Variants in SLC7A1 observed in about 807,000 individuals in gnomAD.
SLC7A1 encodes high affinity cationic amino acid transporter 1.
In SLC7A1, 10 loss-of-function variants were observed where a neutral mutation model predicts 53.9. The ratio of observed to expected loss-of-function variants is 0.19; its 90% CI spans 0.11 to 0.31. SLC7A1 has a LOEUF of 0.31. Ranked by LOEUF, SLC7A1 falls within the 10% of genes least tolerant of loss-of-function variation. The probability of loss-of-function intolerance (pLI) is 1.00; values close to 1 mark genes in which losing one functional copy is unlikely to be tolerated. For synonymous variants in SLC7A1, 342 were observed against 338.7 expected, an observed-to-expected ratio of 1.01 and a Z score of -0.11; for missense variants, 525 against 827.2, an observed-to-expected ratio of 0.63 and a Z score of 4.48.
At position 29,513,420 on chromosome 13, in the gene SLC7A1, A is replaced by AT. The variant is rs892831457; in HGVS notation, c.*1059dup. 6.6e-6 allele frequency: 1 copy of AT among 152,652 alleles called. No homozygotes were observed. Among genetic ancestry groups the AT allele is most frequent in the Non-Finnish European group, 1.5e-5 (1 of 68,054 alleles). The allele number at this position is 152,652 out of a possible 1,614,324, so 9.5% of individuals were successfully genotyped here. A position where few individuals can be genotyped will look rare whatever the true frequency, so the allele number is the denominator to read the frequency against. Reference sequence around the variant, plus strand: ...TTTCATGGACTGTGGATTGATTTCAATTTCATCATGTCACAGAGAGGCCAG... The same window carrying AT: ...TTTCATGGACTGTGGATTGATTTCAATTTTCATCATGTCACAGAGAGGCCAG... On this transcript the variant is annotated 3_prime_UTR_variant, in exon 13 of 13. Transcript: ENST00000380752.
Position 29,517,562 on chromosome 13 carries a change from C to G in SLC7A1, c.1510+11G>C. ...CAACAAGCAAGGCCCCAGGGAAGGGCTAGCTCTTACCTATGAGGCTGGTTG... is the reference window on the plus strand; with the variant it reads ...CAACAAGCAAGGCCCCAGGGAAGGGGTAGCTCTTACCTATGAGGCTGGTTG... On this transcript the variant is annotated intron_variant, in intron 10 of 12. Transcript: ENST00000380752. 1.2e-6 allele frequency: 2 copies of G among 1,604,938 alleles called. No homozygotes were observed. The highest frequency in any genetic ancestry group is 2.2e-5 in the South Asian group (2 of 90,896).
intron 2 of SLC7A1, among the ~76,000 whole-genome samples, chr13:29,547,883 G>T (rs1247276673): frequency 6.6e-6 from 1 of 152,162 alleles, no homozygotes; most frequent in East Asian, 1.9e-4. Flanking sequence ...AAAAAACACC[G>T]AGGAAACTCC....
intron 2 of SLC7A1, among the ~76,000 whole-genome samples, chr13:29,551,399 AC>A (rs1870177935): frequency 6.6e-6 from 1 of 152,194 alleles, no homozygotes; most frequent in Non-Finnish European, 1.5e-5. Context: ...ACCATCTGGC[AC>A]CTGGCCTGAT....
chr13:29,524,672 A>AATCT (rs1868802935), intron 5 of SLC7A1, among the ~76,000 whole-genome samples: 1 of 152,146 alleles, frequency 6.6e-6, no homozygotes, highest in African/African-American at 2.4e-5. Context: ...CCAGTAACTC[A>AATCT]ATCTCAAAAC....
At chr13:29,546,562 T>C (rs892990340) in intron 2 of SLC7A1, among the ~76,000 whole-genome samples, 2 of 152,188 alleles carry the variant, frequency 1.3e-5, no homozygotes, top group African/African-American at 4.8e-5. Flanking sequence ...CACAGACTGA[T>C]ATTTTCCCAC....
chr13:29,516,692 CA>C (rs1356367714), intron 11 of SLC7A1, among the ~76,000 whole-genome samples: 1 of 152,224 alleles, frequency 6.6e-6, no homozygotes, highest in Non-Finnish European at 1.5e-5. Flanking sequence ...AGCATCCCAC[CA>C]CCCCGGAGGG....
At chr13:29,573,532 C>T (rs1273019297) in intron 1 of SLC7A1, among the ~76,000 whole-genome samples, 1 of 152,180 alleles carries the variant, frequency 6.6e-6, no homozygotes, top group Non-Finnish European at 1.5e-5. Context: ...TGCCTTAAGG[C>T]CCACATCGTC....
At chr13:29,594,067 A>G (rs1360919655) in intron 1 of SLC7A1, among the ~76,000 whole-genome samples, 1 of 152,266 alleles carries the variant, frequency 6.6e-6, no homozygotes, top group Admixed American at 6.5e-5. Context: ...TATAAAAATC[A>G]TGGTAATTTC....
intron 1 of SLC7A1, among the ~76,000 whole-genome samples, chr13:29,576,293 T>TTTTAAAAAAAA (rs552407983): frequency 8.0e-6 from 1 of 124,952 alleles, no homozygotes; most frequent in African/African-American, 3.7e-5. Context: ...TCCTGTTTTT[T>TTTTAAAAAAAA]AAAAAAAAAA....
rs1566248477 is a variant in SLC7A1, at chr13:29,509,857, G to T, written c.*4623C>A. On this transcript the variant is annotated 3_prime_UTR_variant, in exon 13 of 13. Coordinates refer to ENST00000380752, the MANE Select transcript of SLC7A1 (RefSeq NM_003045.5). ...TTTGATAATAAACCAACCCTCATTG[G>T]TATCATTACCCTTAGTGCTCCTTAA... The T allele has an allele frequency of 6.6e-6, 1 of 152,480 alleles. No homozygotes were observed. The highest frequency in any genetic ancestry group is 1.5e-5 in the Non-Finnish European group (1 of 68,022). The allele number at this position is 152,480 out of a possible 1,614,324, so 9.4% of individuals were successfully genotyped here.
At position 29,535,856 on chromosome 13, in the gene SLC7A1, G is replaced by A. The variant is rs1869389494; in HGVS notation, c.333C>T (p.Phe111=). 6.2e-7 allele frequency: 1 copy of A among 1,614,052 alleles called. No homozygotes were observed. The highest frequency in any genetic ancestry group is 1.3e-5 in the African/African-American group (1 of 74,926). ...AGAGGATTAAGTTCCAGCCGGTGAT[G>A]AAGGCCCAGAGCTCTCCAACGGTGA... ...SYVTVGELWA[F]ITGWNLILSY... The change falls in exon 3 of 13, where the codon TTC becomes TTT. Residue 111 remains phenylalanine (F), a synonymous_variant. Transcript: ENST00000380752.
intron 1 of SLC7A1, among the ~76,000 whole-genome samples, chr13:29,560,003 T>C (rs3011607): frequency 0.1 from 15,966 of 152,154 alleles, 974 homozygotes; most frequent in African/African-American, 0.17. Context: ...GCGTGAGCCA[T>C]TGCACCCGGA....
At chr13:29,528,252 C>T (rs921903477) in intron 5 of SLC7A1, among the ~76,000 whole-genome samples, 9 of 152,270 alleles carry the variant, frequency 5.9e-5, no homozygotes, top group Admixed American at 3.9e-4. Flanking sequence ...CAGACACCAT[C>T]CAACAAAACC....
At chr13:29,548,688 T>C (rs761616544) in intron 2 of SLC7A1, among the ~76,000 whole-genome samples, 18 of 152,242 alleles carry the variant, frequency 1.2e-4, no homozygotes, top group Admixed American at 2.0e-4. Context: ...AGGAAATCAA[T>C]ATGCTTGCCT....
In SLC7A1 at chr13:29,510,883, A is replaced by G. The variant is rs1023562090; in HGVS notation, c.*3597T>C. The G allele has an allele frequency of 1.3e-5, 2 of 152,302 alleles. No homozygotes were observed. The highest frequency in any genetic ancestry group is 4.1e-4 in the South Asian group (2 of 4,838). 9.4% of individuals were successfully genotyped at this position (152,302 alleles called of 1,614,324 possible). A position where few individuals can be genotyped will look rare whatever the true frequency, so the allele number is the denominator to read the frequency against. On this transcript the variant is annotated 3_prime_UTR_variant, in exon 13 of 13. Transcript: ENST00000380752. ...TTAGCATTGAGTCCTGCGTCGCGCA[A>G]TGCCCAGGACCTTGCCTGTTAAGTC...
rs75324998 is a variant in SLC7A1 at position 29,565,290 on chromosome 13, C to A, written c.-114-11430G>T. ...AGCTGCTCATGAAGATGCATGAGTA[C>A]AATACAAACAATACAAATACAATAC... On this transcript the variant is annotated intron_variant, in intron 1 of 12. Transcript: ENST00000380752. Among the ~76,000 whole-genome samples, 1,414 of 152,138 alleles carry A rather than the reference C, an allele frequency of 9.3e-3. 10 individuals are homozygous for A. The highest frequency in any genetic ancestry group is 0.017 in the Middle Eastern group (5 of 294).
rs565791940 is a variant in SLC7A1, at chr13:29,539,968, A to C, written c.-14-3766T>G. Among the ~76,000 whole-genome samples, 24 of 152,310 alleles carry C rather than the reference A, an allele frequency of 1.6e-4. No individual in the cohort carries two copies. In the South Asian group the frequency reaches 5.0e-3, roughly 32 times the overall value. On this transcript the variant is annotated intron_variant, in intron 2 of 12. Coordinates refer to ENST00000380752, the MANE Select transcript of SLC7A1 (RefSeq NM_003045.5). ...CTCTGTCCTGGGTTTATTTTAAGAA[A>C]TATCCTGTCTCCTTGGAAGTAATGC...
chr13:29,559,740 G>C (rs1321200865), intron 1 of SLC7A1, among the ~76,000 whole-genome samples: 2 of 150,448 alleles, frequency 1.3e-5, no homozygotes, highest in African/African-American at 4.9e-5. Context: ...TTTTGAGATG[G>C]AGTCTCGCTC....
chr13:29,536,224 G>A (rs1020592087), intron 2 of SLC7A1, 22 bp from the exon 3 acceptor site: 7 of 1,583,840 alleles, frequency 4.4e-6, no homozygotes, highest in East Asian at 2.3e-5. Flanking sequence ...GAACAAAGAT[G>A]TTTCCTGATT....
Sources: gnomAD v4.1 joint callset for allele counts (sites outside exome capture counted in the v4.1 genomes callset) on GRCh38, gnomAD v4.1.1 for gene constraint, MANE v1.5 for transcripts, NCBI Gene and HGNC (gene_info 2026-07-23, HGNC 2026-07-21) for gene names.